The following PMFBP1 variants were observed in gnomAD, a reference collection of about 807,000 sequenced individuals.
PMFBP1 encodes the protein polyamine-modulated factor 1-binding protein 1.
Under a neutral mutation model 137.8 loss-of-function variants are expected in PMFBP1, and 131 were observed. That is an observed-to-expected ratio of 0.95 (90% confidence interval 0.82 to 1.10). PMFBP1 has a LOEUF of 1.10. Among genes scored for constraint, PMFBP1 ranks in the 50% least tolerant of loss-of-function variants. PMFBP1 has a pLI of 0.00. For synonymous variants in PMFBP1, 490 were observed against 450.4 expected (o/e 1.09, Z -1.11); for missense variants, 1,199 against 1,175.4 (o/e 1.02, Z -0.29).
chr16:72,176,784 T>C (rs1441019977), upstream of PMFBP1: 1 of 152,230 alleles, frequency 6.6e-6, no homozygotes, highest in Non-Finnish European at 1.5e-5. Flanking sequence ...CACACTTATT[T>C]AAGTTACTCT....
chr16:72,195,652 GCTGTAAATACTACTACT>G, the PMFBP1 span, among the ~76,000 whole-genome samples: 1 of 152,266 alleles, frequency 6.6e-6, no homozygotes, highest in Non-Finnish European at 1.5e-5. Context: ...GTTTGGGATT[GCTGTAAATACTACTACT>G]CTCTTTCATT....
At chr16:72,246,092 G>C in the PMFBP1 span, among the ~76,000 whole-genome samples, 1 of 152,190 alleles carries the variant, frequency 6.6e-6, no homozygotes, top group Non-Finnish European at 1.5e-5. Context: ...ACTGGGGAGG[G>C]AGGAGATTAC....
chr16:72,167,443 C>T (rs1254612357), intron 2 of PMFBP1, among the ~76,000 whole-genome samples: 4 of 152,150 alleles, frequency 2.6e-5, no homozygotes, highest in African/African-American at 9.7e-5. Context: ...ATGTCAACTG[C>T]CCCAAGCATG....
downstream of PMFBP1, among the ~76,000 whole-genome samples, chr16:72,118,615 C>T (rs1331491014): frequency 6.6e-6 from 1 of 152,164 alleles, no homozygotes; most frequent in Non-Finnish European, 1.5e-5. Context: ...AAATTCTAGA[C>T]ATGTACTCAG....
upstream of PMFBP1, chr16:72,176,913 G>A (rs746210480): frequency 2.0e-5 from 3 of 152,206 alleles, no homozygotes; most frequent in Non-Finnish European, 4.4e-5. Context: ...CCACAGATAT[G>A]TTTCTCAAAT....
chr16:72,199,790 C>G, the PMFBP1 span, among the ~76,000 whole-genome samples: 1 of 151,814 alleles, frequency 6.6e-6, no homozygotes, highest in Non-Finnish European at 1.5e-5. Flanking sequence ...TTGCAAATCA[C>G]TTACTCAGCT....
the PMFBP1 span, among the ~76,000 whole-genome samples, chr16:72,194,858 A>C: frequency 2.0e-5 from 3 of 152,200 alleles, no homozygotes; most frequent in Non-Finnish European, 4.4e-5. Flanking sequence ...ATCCATGCTT[A>C]ATAAAGGCTG....
At chr16:72,133,937 T>C (rs576191919) in intron 9 of PMFBP1, among the ~76,000 whole-genome samples, 2 of 152,122 alleles carry the variant, frequency 1.3e-5, no homozygotes, top group East Asian at 3.9e-4. Flanking sequence ...GCCAACATGG[T>C]GAAACACCAT....
chr16:72,119,959 A>G lies in PMFBP1; in HGVS notation c.2899T>C (p.Ser967Pro). 6.2e-7 allele frequency: 1 copy of G among 1,613,668 alleles called. No homozygotes were observed. Among genetic ancestry groups the G allele is most frequent in the Non-Finnish European group, 8.5e-7 (1 of 1,179,880 alleles). ...CCGCACACTTTCTCCCTCTGTGTGG[A>G]CTCCGTTCTGCTCGGGCCTAGGGCT... Reference protein sequence around the residue: ...TKALGPSRTESTQREKVCGTL... With the variant: ...TKALGPSRTEPTQREKVCGTL... The change falls in exon 20 of 21, where the codon TCC becomes CCC. Residue 967 changes from serine (S) to proline (P), a missense_variant. Coordinates refer to ENST00000237353, the MANE Select transcript of PMFBP1 (RefSeq NM_031293.3).
chr16:72,248,041 T>G, the PMFBP1 span, among the ~76,000 whole-genome samples: 31 of 152,324 alleles, frequency 2.0e-4, no homozygotes, highest in South Asian at 6.4e-3. Flanking sequence ...AAGCTGTGAT[T>G]TGTAACACAT....
chr16:72,248,050 A>G, the PMFBP1 span, among the ~76,000 whole-genome samples: 15 of 152,198 alleles, frequency 9.9e-5, 1 homozygote, highest in Admixed American at 9.2e-4. Context: ...TTTGTAACAC[A>G]TGGTCTTATA....
chr16:72,205,770 C>T, the PMFBP1 span, among the ~76,000 whole-genome samples: 13 of 152,210 alleles, frequency 8.5e-5, no homozygotes, highest in Admixed American at 2.6e-4. Flanking sequence ...ACACTTTGGT[C>T]CACTCTGCTG....
At chr16:72,134,911 T>C (rs1413966711) in intron 9 of PMFBP1, among the ~76,000 whole-genome samples, 1 of 152,208 alleles carries the variant, frequency 6.6e-6, no homozygotes, top group East Asian at 1.9e-4. Context: ...TTACCGGCTG[T>C]CTCCCTACAC....
At chr16:72,202,721 G>A in the PMFBP1 span, among the ~76,000 whole-genome samples, 1 of 152,194 alleles carries the variant, frequency 6.6e-6, no homozygotes, top group African/African-American at 2.4e-5. Flanking sequence ...TGACTGCTGG[G>A]AGCACACAGG....
At chr16:72,122,693 TAAA>T (rs2042393017) in intron 19 of PMFBP1, among the ~76,000 whole-genome samples, 1 of 152,232 alleles carries the variant, frequency 6.6e-6, no homozygotes, top group Non-Finnish European at 1.5e-5. Context: ...AAAAGACTAC[TAAA>T]CTCCCTTTGG....
chr16:72,200,390 ATCT>A, the PMFBP1 span, among the ~76,000 whole-genome samples: 1 of 152,248 alleles, frequency 6.6e-6, no homozygotes, highest in Non-Finnish European at 1.5e-5. Context: ...ATACTTGCTG[ATCT>A]TCTTACCAGA....
the PMFBP1 span, among the ~76,000 whole-genome samples, chr16:72,212,206 A>G: frequency 3.3e-5 from 5 of 152,140 alleles, no homozygotes; most frequent in Non-Finnish European, 7.4e-5. Flanking sequence ...TAGAAGGTCC[A>G]GCTCAAGAGG....
the PMFBP1 span, among the ~76,000 whole-genome samples, chr16:72,185,858 T>C: frequency 1.3e-5 from 2 of 152,262 alleles, no homozygotes; most frequent in Admixed American, 1.3e-4. Flanking sequence ...GCACACACTC[T>C]CTCCAGAGGT....
chr16:72,199,951 T>C, the PMFBP1 span, among the ~76,000 whole-genome samples: 12 of 152,230 alleles, frequency 7.9e-5, no homozygotes, highest in Admixed American at 5.9e-4. Flanking sequence ...GAAATCTTCA[T>C]GGAGCCTGTG....
Sources: allele counts gnomAD v4.1 joint callset (sites outside exome capture counted in the v4.1 genomes callset), GRCh38; gene constraint gnomAD v4.1.1; transcripts MANE v1.5; gene names NCBI Gene and HGNC (gene_info 2026-07-23, HGNC 2026-07-21).